ESYT1: variants seen among roughly 807,000 people sequenced by gnomAD.
ESYT1 encodes the protein extended synaptotagmin 1.
A neutral mutation model predicts 154.2 loss-of-function variants in ESYT1; 116 were observed. The observed-to-expected ratio is 0.75, with a 90% CI of 0.65 to 0.88. ESYT1 has a LOEUF of 0.88. Among genes scored for constraint, ESYT1 ranks in the 40% least tolerant of loss-of-function variants. The probability of loss-of-function intolerance (pLI) is 0.00; values close to 1 mark genes in which losing one functional copy is unlikely to be tolerated. For synonymous variants in ESYT1, 500 were observed against 539.9 expected (o/e 0.93, Z 1.02); for missense variants, 1,264 against 1,379.3 (o/e 0.92, Z 1.32).
chr12:56,142,518 T>C lies in ESYT1; in HGVS notation c.2734-60T>C. On this transcript the variant is annotated intron_variant, in intron 25 of 30. Transcript: ENST00000394048. The surrounding 1 kb of genome is among the most constrained non-coding windows in gnomAD (Gnocchi z 4.1). ...CCAGGAGGGTGGGAACAGAGGGCCG[T>C]GTCCTTAGAGTGAGGGAACTGAGAG... The C allele has an allele frequency of 3.1e-6, 5 of 1,611,688 alleles. 1 individual carries two copies. In the South Asian group the frequency reaches 5.5e-5, roughly 18 times the overall value.
intron 20 of ESYT1, 48 bp downstream of exon 20, chr12:56,138,122 T>A (rs1185412777): frequency 1.2e-6 from 2 of 1,613,690 alleles, no homozygotes; most frequent in African/African-American, 2.7e-5. Context: ...CTGCCCAAGC[T>A]TCATTCTCAA....
At chr12:56,133,522 T>C in intron 11 of ESYT1, 57 bp downstream of exon 11, 1 of 1,613,594 alleles carries the variant, frequency 6.2e-7, no homozygotes, top group Non-Finnish European at 8.5e-7. Context: ...TAGATAGTAG[T>C]TGCTACATTG....
In ESYT1 at chr12:56,138,190, C is replaced by T. The variant is rs372332506; in HGVS notation, c.2255C>T (p.Thr752Ile). The part of the protein sequence containing the change: ...LNSGFLDEWL[T>I]LEDVPSGRLH... ...CCCTGCCTACTTCCACAGTGGCTGACCCTGGAGGATGTCCCATCTGGCCGC... is the reference window on the plus strand; with the variant it reads ...CCCTGCCTACTTCCACAGTGGCTGATCCTGGAGGATGTCCCATCTGGCCGC... The change falls in exon 21 of 31, where the codon ACC becomes ATC. Residue 752 changes from threonine to isoleucine, a missense_variant. Thr to Ile is a moderately conservative substitution (Grantham distance 89). Coordinates refer to ENST00000394048, the MANE Select transcript of ESYT1 (RefSeq NM_015292.3). 4.0e-5 allele frequency: 64 copies of T among 1,614,090 alleles called. No homozygotes were observed. Among genetic ancestry groups the T allele is most frequent in the Non-Finnish European group, 4.9e-5 (58 of 1,180,044 alleles).
At position 56,143,625 on chromosome 12, in the gene ESYT1, C is replaced by T. The variant is rs767546962; in HGVS notation, c.3271C>T (p.Arg1091Trp). ...GACAGACCTTTCCCAGGGTGTAGCC[C>T]GGTGGTGAGTGTCTGCGTGGGTGGG... is the stretch of plus-strand genomic sequence containing the variant. ...AETDLSQGVA[R>W]WYDLMDNKDK... Residue 1091 changes from arginine to tryptophan, a missense_variant, in exon 30 of 31, where the codon CGG becomes TGG. Physicochemically the swap from Arg to Trp is moderately radical, Grantham distance 101 (BLOSUM62 -3). Coordinates refer to ENST00000394048, the MANE Select transcript of ESYT1 (RefSeq NM_015292.3). The T allele has an allele frequency of 1.6e-5, 26 of 1,613,918 alleles. No individual in the cohort carries two copies. Among genetic ancestry groups the T allele is most frequent in the East Asian group, 6.7e-5 (3 of 44,890 alleles).
chr12:56,130,745 A>T, intron 2 of ESYT1, 46 bp from the exon 3 acceptor site: 2 of 1,613,284 alleles, frequency 1.2e-6, no homozygotes, highest in South Asian at 2.2e-5. Flanking sequence ...ACTTGCCTTG[A>T]GAGGGAAGAC....
Position 56,138,336 on chromosome 12 carries a change from C to T in ESYT1, c.2337+64C>T, listed in dbSNP as rs2271190. The T allele has an allele frequency of 3.5e-5, 57 of 1,610,878 alleles. 1 individual carries two copies. The highest frequency in any genetic ancestry group is 2.2e-4 in the East Asian group (10 of 44,874). Reference sequence around the variant, plus strand: ...GGGGCAGGATGAGCTCTTCTCTTAGCGTTCAAGGCACATGCCAGAACCCAA... The same window carrying T: ...GGGGCAGGATGAGCTCTTCTCTTAGTGTTCAAGGCACATGCCAGAACCCAA... On this transcript the variant is annotated intron_variant, in intron 21 of 30. Transcript: ENST00000394048.
rs577368857 is a variant in ESYT1 at position 56,137,563 on chromosome 12, G to C, written c.2003G>C (p.Gly668Ala). 2 of 1,614,086 alleles carry C rather than the reference G, an allele frequency of 1.2e-6. No homozygotes were observed. The highest frequency in any genetic ancestry group is 2.7e-5 in the African/African-American group (2 of 74,914). Residue 668 changes from glycine (G) to alanine (A), a missense_variant, in exon 18 of 31, where the codon GGA becomes GCA. Physicochemically the swap from Gly to Ala is moderately conservative, Grantham distance 60. Transcript: ENST00000394048. ...ATTGCCAAAGACCGTTTCTTGGGGGGACTGGTGAAGGGCAAGTCAGACCCC... is the reference window on the plus strand; with the variant it reads ...ATTGCCAAAGACCGTTTCTTGGGGGCACTGGTGAAGGGCAAGTCAGACCCC... Reference protein sequence around the residue: ...DLIAKDRFLGGLVKGKSDPYV... With the variant: ...DLIAKDRFLGALVKGKSDPYV...
intron 14 of ESYT1, 50 bp from the exon 15 acceptor site, chr12:56,134,292 C>T (rs1167776438): frequency 6.2e-7 from 1 of 1,602,864 alleles, no homozygotes; most frequent in East Asian, 2.2e-5. Flanking sequence ...TCTGCAGAAA[C>T]AGGAATGGTG....
Position 56,138,486 on chromosome 12 carries a change from C to G in ESYT1, c.2420C>G (p.Ala807Gly). The change falls in exon 22 of 31, where the codon GCA becomes GGA. Residue 807 changes from alanine (A) to glycine (G), a missense_variant. Transcript: ENST00000394048. ...CTGCTATCCATCTATATGGAGCGGG[C>G]AGAGGACCTCCCGGTGAGATCCCGC... The part of the protein sequence containing the change: ...AALLSIYMER[A>G]EDLPLRKGTK... 6.2e-7 allele frequency: 1 copy of G among 1,608,828 alleles called. No individual in the cohort carries two copies. Among genetic ancestry groups the G allele is most frequent in the Non-Finnish European group, 8.5e-7 (1 of 1,178,288 alleles).
chr12:56,132,517 C>G lies in ESYT1; in HGVS notation c.1081C>G (p.Leu361Val), dbSNP rs144813082. The G allele has an allele frequency of 9.8e-5, 158 of 1,614,188 alleles. 1 individual carries two copies. In the African/African-American group the frequency reaches 2.0e-3, roughly 21 times the overall value. ...LIEGKSDPYA[L>V]VRLGTQTFCS... ...TGAGGGCAAGTCAGACCCATATGCACTTGTGCGTTTGGGTACCCAGACATT... is the reference window on the plus strand; with the variant it reads ...TGAGGGCAAGTCAGACCCATATGCAGTTGTGCGTTTGGGTACCCAGACATT... The change falls in exon 9 of 31, where the codon CTT (leucine) becomes GTT (valine). Residue 361 changes from leucine to valine, a missense_variant. Transcript: ENST00000394048.
In ESYT1 at chr12:56,143,984, C is replaced by A. The variant is rs1236846460; in HGVS notation, c.*122C>A. On this transcript the variant is annotated 3_prime_UTR_variant, in exon 31 of 31. Coordinates refer to ENST00000394048, the MANE Select transcript of ESYT1 (RefSeq NM_015292.3). ...CAGAGCCTGTGCCCTTCAGCCCTTT[C>A]ACCTAACAGGCCCATATTCGGGCCT... 2 of 1,577,396 alleles carry A rather than the reference C, an allele frequency of 1.3e-6. No homozygotes were observed. The highest frequency in any genetic ancestry group is 1.7e-6 in the Non-Finnish European group (2 of 1,166,608).
chr12:56,133,679 G>T lies in ESYT1; in HGVS notation c.1380+5G>T, dbSNP rs1870332975. 1 of 1,614,092 alleles carries T rather than the reference G, an allele frequency of 6.2e-7. No individual in the cohort carries two copies. Among genetic ancestry groups the T allele is most frequent in the Admixed American group, 1.7e-5 (1 of 60,002 alleles). ...GATGCAGAGAAACTGGAGCAGGTAA[G>T]CCACATGGGAAATAGGAAGCTGGCA... On this transcript the variant is annotated splice_donor_5th_base_variant and intron_variant, in intron 12 of 30. Transcript: ENST00000394048.
At chr12:56,130,298 C>G (rs1870178641) in intron 1 of ESYT1, 1 of 532,286 alleles carries the variant, frequency 1.9e-6, no homozygotes, top group Non-Finnish European at 3.4e-6. Flanking sequence ...CCCTTCTCCT[C>G]CTCCCGCTCC....
intron 15 of ESYT1, among the ~76,000 whole-genome samples, chr12:56,134,963 A>G (rs1192193011): frequency 1.3e-5 from 2 of 152,122 alleles, no homozygotes; most frequent in African/African-American, 4.8e-5. Flanking sequence ...GAAACTGGCC[A>G]GTAAGCATTG....
At chr12:56,130,235 A>G (rs1216019053) in intron 1 of ESYT1, 2 of 388,338 alleles carry the variant, frequency 5.2e-6, no homozygotes, top group East Asian at 4.9e-5. Flanking sequence ...TTTAAATCCC[A>G]GGATTCCCTC....
In ESYT1 at chr12:56,142,689, T is replaced by C; in HGVS notation, c.2845T>C (p.Ser949Pro). 1 of 1,613,804 alleles carries C rather than the reference T, an allele frequency of 6.2e-7. No homozygotes were observed. Among genetic ancestry groups the C allele is most frequent in the Non-Finnish European group, 8.5e-7 (1 of 1,179,966 alleles). ...ELSGGPPHITSSAPELRQRLT... is the reference protein window; with the variant it reads ...ELSGGPPHITPSAPELRQRLT... The stretch of plus-strand genomic sequence containing the variant: ...CTCGGGGGGACCCCCTCACATCACC[T>C]CCTCAGCCCCAGAGCTCCGGCAGCG... The change falls in exon 26 of 31, where the codon TCC (serine) becomes CCC (proline). Residue 949 changes from serine to proline, a missense_variant. By Grantham distance (74) the Ser-to-Pro change is moderately conservative. Transcript: ENST00000394048. The surrounding 1 kb of genome is among the most constrained non-coding windows in gnomAD (Gnocchi z 4.1).
chr12:56,132,933 A>T, intron 10 of ESYT1, 132 bp downstream of exon 10: 1 of 722,182 alleles, frequency 1.4e-6, no homozygotes, highest in Non-Finnish European at 2.4e-6. Context: ...ATCCTGGCTA[A>T]CACGGTGAAA....
In ESYT1 at chr12:56,143,083, G is replaced by C. The variant is rs762592754; in HGVS notation, c.3054G>C (p.Lys1018Asn). ...TGTCACTGTTGCTACTGCCAGACAAGAACCGAGGCACCAAGAGGAGGACCT... is the reference window on the plus strand; with the variant it reads ...TGTCACTGTTGCTACTGCCAGACAACAACCGAGGCACCAAGAGGAGGACCT... ...PYVSLLLLPD[K>N]NRGTKRRTSQ... Residue 1018 changes from lysine (K) to asparagine (N), a missense_variant, in exon 28 of 31, where the codon AAG becomes AAC. Physicochemically the swap from Lys to Asn is moderately conservative, Grantham distance 94. Coordinates refer to ENST00000394048, the MANE Select transcript of ESYT1 (RefSeq NM_015292.3). 32 of 1,614,052 alleles carry C rather than the reference G, an allele frequency of 2.0e-5. No individual in the cohort carries two copies. Among genetic ancestry groups the C allele is most frequent in the Middle Eastern group, 1.6e-4 (1 of 6,084 alleles).
Position 56,128,501 on chromosome 12 carries a change from G to T in ESYT1, c.182G>T (p.Arg61Leu). ...GCGGTGCTGACTTCATTCGGGAGGC[G>T]GTTGCTGGTGCTGATACCTGTGTAT... The part of the protein sequence containing the change: ...ALAVLTSFGR[R>L]LLVLIPVYLA... Residue 61 changes from arginine to leucine, a missense_variant, in exon 1 of 31, where the codon CGG (arginine) becomes CTG (leucine). Coordinates refer to ENST00000394048, the MANE Select transcript of ESYT1 (RefSeq NM_015292.3). The T allele has an allele frequency of 6.2e-7, 1 of 1,611,550 alleles. No individual in the cohort carries two copies. The highest frequency in any genetic ancestry group is 8.5e-7 in the Non-Finnish European group (1 of 1,178,880).
Sources: gnomAD v4.1 joint callset for allele counts (sites outside exome capture counted in the v4.1 genomes callset) on GRCh38, gnomAD v4.1.1 for gene constraint, Gnocchi (gnomAD v3.1) non-coding constraint, MANE v1.5 for transcripts, NCBI Gene and HGNC (gene_info 2026-07-23, HGNC 2026-07-21) for gene names.